GRIK3: variants seen among roughly 807,000 people sequenced by gnomAD.
The protein encoded by GRIK3 is glutamate receptor ionotropic, kainate 3.
A neutral mutation model predicts 102.5 loss-of-function variants in GRIK3; 29 were observed. That is an observed-to-expected ratio of 0.28 (90% confidence interval 0.21 to 0.39). The LOEUF is 0.39. GRIK3 is among the 10% of genes least tolerant of loss of function. The pLI is 1.00. For missense variants in GRIK3, 908 were observed against 1,252.4 expected (o/e 0.73, Z 4.15); for synonymous variants, 511 against 504.9 (o/e 1.01, Z -0.16).
Position 36,861,812 on chromosome 1 carries a change from C to G in GRIK3, c.787-1795G>C, listed in dbSNP as rs150010889. The stretch of plus-strand genomic sequence containing the variant: ...CCAAGCTTGCCCAAATAAATATGGC[C>G]TTGATTCCAGGTCAGGATCTGGGAT... On this transcript the variant is annotated intron_variant, in intron 5 of 15. Transcript: ENST00000373091. Among the ~76,000 whole-genome samples, 278 of 152,102 alleles carry G rather than the reference C, an allele frequency of 1.8e-3. 1 individual carries two copies. The highest frequency in any genetic ancestry group is 6.4e-3 in the African/African-American group (264 of 41,490).
intron 4 of GRIK3, 73 bp from the exon 5 acceptor site, chr1:36,869,874 T>A: frequency 8.9e-7 from 1 of 1,123,788 alleles, no homozygotes; most frequent in African/African-American, 1.5e-5. Flanking sequence ...CACCCAGGGC[T>A]GAGAATGGGA....
chr1:36,997,971 C>T (rs149475425), intron 1 of GRIK3, among the ~76,000 whole-genome samples: 12 of 152,294 alleles, frequency 7.9e-5, no homozygotes, highest in African/African-American at 2.9e-4. Context: ...CCTATTAATC[C>T]AGGGTCCAGG....
At position 36,869,820 on chromosome 1, in the gene GRIK3, T is replaced by G. The variant is rs1640822913; in HGVS notation, c.733-19A>C. 6.2e-7 allele frequency: 1 copy of G among 1,603,300 alleles called. No individual in the cohort carries two copies. The highest frequency in any genetic ancestry group is 1.7e-5 in the Admixed American group (1 of 59,990). On this transcript the variant is annotated intron_variant, in intron 4 of 15. Coordinates refer to ENST00000373091, the MANE Select transcript of GRIK3 (RefSeq NM_000831.4). Reference sequence around the variant, plus strand: ...CCATGGCCTGCAGAAAAGCAGAGTGTTAGTGATCAGCAGGGAACCCCTGGG... The same window carrying G: ...CCATGGCCTGCAGAAAAGCAGAGTGGTAGTGATCAGCAGGGAACCCCTGGG...
chr1:36,836,817 G>A (rs1333218556), intron 10 of GRIK3, among the ~76,000 whole-genome samples: 1 of 152,150 alleles, frequency 6.6e-6, no homozygotes, highest in African/African-American at 2.4e-5. Context: ...AGGGGGCTGG[G>A]AGAGCAGCCA....
chr1:36,907,596 G>C (rs1011123916), intron 1 of GRIK3, among the ~76,000 whole-genome samples: 2 of 152,076 alleles, frequency 1.3e-5, no homozygotes, highest in Non-Finnish European at 2.9e-5. Flanking sequence ...GATGAGAGGA[G>C]ACAGAAGACT....
At chr1:36,996,253 C>A (rs1261272361) in intron 1 of GRIK3, among the ~76,000 whole-genome samples, 1 of 152,256 alleles carries the variant, frequency 6.6e-6, no homozygotes, top group Non-Finnish European at 1.5e-5. Context: ...TTGATTTCTT[C>A]ACCCATAAAA....
chr1:36,909,294 CTTT>C (rs112156014), intron 1 of GRIK3, among the ~76,000 whole-genome samples: 26 of 139,676 alleles, frequency 1.9e-4, no homozygotes, highest in African/African-American at 6.8e-4. Flanking sequence ...CAAATCAGGG[CTTT>C]TTTTTTTTTT....
chr1:36,903,885 A>G (rs524621), intron 1 of GRIK3, among the ~76,000 whole-genome samples: 6,798 of 152,302 alleles, frequency 0.045, 406 homozygotes, highest in African/African-American at 0.13. Context: ...ATACTATTAT[A>G]GTGAATACAT....
chr1:36,832,691 C>A (rs1287038942), intron 10 of GRIK3, among the ~76,000 whole-genome samples: 1 of 152,244 alleles, frequency 6.6e-6, no homozygotes, highest in Non-Finnish European at 1.5e-5. Context: ...TGAGGCCCAG[C>A]AAGCTCCATC....
chr1:36,929,376 T>C (rs1223102603), intron 1 of GRIK3, among the ~76,000 whole-genome samples: 1 of 152,090 alleles, frequency 6.6e-6, no homozygotes, highest in Admixed American at 6.5e-5. Flanking sequence ...TTAGATATAT[T>C]TTAGATATAT....
Position 36,879,001 on chromosome 1 carries a change from A to G in GRIK3, c.550+1633T>C, listed in dbSNP as rs145575309. On this transcript the variant is annotated intron_variant, in intron 3 of 15. Coordinates refer to ENST00000373091, the MANE Select transcript of GRIK3 (RefSeq NM_000831.4). Reference sequence around the variant, plus strand: ...ACATCCTCACAAGGATGACTTAAGGATGAAGGCAGGGACCAGGCAGCGGTC... The same window carrying G: ...ACATCCTCACAAGGATGACTTAAGGGTGAAGGCAGGGACCAGGCAGCGGTC... 2.8e-3 allele frequency among the ~76,000 whole-genome samples: 421 copies of G among 152,186 alleles called. 4 individuals carry two copies. Among genetic ancestry groups the G allele is most frequent in the African/African-American group, 9.4e-3 (392 of 41,512 alleles).
chr1:36,931,752 G>A (rs1171680024), intron 1 of GRIK3, among the ~76,000 whole-genome samples: 1 of 152,176 alleles, frequency 6.6e-6, no homozygotes, highest in East Asian at 1.9e-4. Flanking sequence ...CCCACAGAGC[G>A]GCGTGTGCAG....
intron 1 of GRIK3, among the ~76,000 whole-genome samples, chr1:37,014,408 G>A (rs981029242): frequency 1.1e-4 from 16 of 152,236 alleles, no homozygotes; most frequent in Non-Finnish European, 1.0e-4. Flanking sequence ...AAGCTGAACC[G>A]CAGACCAGCT....
chr1:36,898,933 A>T (rs932581648), intron 1 of GRIK3, among the ~76,000 whole-genome samples: 1 of 152,190 alleles, frequency 6.6e-6, no homozygotes, highest in Non-Finnish European at 1.5e-5. Flanking sequence ...GAATGGGGAA[A>T]GGATAGTCTT....
At chr1:36,935,847 G>T (rs988916026) in intron 1 of GRIK3, among the ~76,000 whole-genome samples, 9 of 152,340 alleles carry the variant, frequency 5.9e-5, no homozygotes, top group African/African-American at 2.2e-4. Flanking sequence ...GGAAAATGTG[G>T]TTAATGGATT....
intron 1 of GRIK3, among the ~76,000 whole-genome samples, chr1:36,905,227 C>T (rs1641274008): frequency 6.6e-6 from 1 of 152,102 alleles, no homozygotes; most frequent in Non-Finnish European, 1.5e-5. Context: ...TACTAGAGGA[C>T]ATAAAAGAAG....
At chr1:36,824,735 G>C (rs142643198) in intron 11 of GRIK3, among the ~76,000 whole-genome samples, 1 of 152,182 alleles carries the variant, frequency 6.6e-6, no homozygotes, top group African/African-American at 2.4e-5. Flanking sequence ...CGCTGGAAAG[G>C]GGTGGGGAGC....
intron 2 of GRIK3, among the ~76,000 whole-genome samples, chr1:36,883,548 G>A (rs779916985): frequency 1.3e-5 from 2 of 152,192 alleles, no homozygotes; most frequent in South Asian, 2.1e-4. Context: ...AGAGGCCCAC[G>A]CATGTCCTAG....
chr1:36,965,137 A>G (rs3845489), intron 1 of GRIK3, among the ~76,000 whole-genome samples: 15,928 of 152,196 alleles, frequency 0.1, 986 homozygotes, highest in African/African-American at 0.18. Context: ...GACTTTGGGC[A>G]AGTCACTTAA....
Sources: allele counts gnomAD v4.1 joint callset (sites outside exome capture counted in the v4.1 genomes callset), GRCh38; gene constraint gnomAD v4.1.1; transcripts MANE v1.5; gene names NCBI Gene and HGNC (gene_info 2026-07-23, HGNC 2026-07-21).